The following GRK5 variants were observed in gnomAD, a reference collection of about 807,000 sequenced individuals.
GRK5 encodes G protein-coupled receptor kinase 5, also known as g protein-coupled receptor kinase GRK5.
Under a neutral mutation model 78.4 loss-of-function variants are expected in GRK5, and 40 were observed. The observed-to-expected ratio is 0.51, with a 90% confidence interval of 0.40 to 0.66. GRK5 has a LOEUF of 0.66. Ranked by LOEUF, GRK5 falls within the 30% of genes least tolerant of loss-of-function variation. The pLI is 0.00. For missense variants in GRK5, 598 were observed against 759.9 expected, an observed-to-expected ratio of 0.79 and a Z score of 2.50; for synonymous variants, 289 against 296.8, an observed-to-expected ratio of 0.97 and a Z score of 0.27.
At chr10:119,286,277 A>C (rs1849845327) in intron 1 of GRK5, among the ~76,000 whole-genome samples, 1 of 152,260 alleles carries the variant, frequency 6.6e-6, no homozygotes, top group South Asian at 2.1e-4. Flanking sequence ...TCACTGTTAC[A>C]GTAATCCCTT....
chr10:119,348,149 C>A (rs1171728453), intron 2 of GRK5, among the ~76,000 whole-genome samples: 1 of 152,216 alleles, frequency 6.6e-6, no homozygotes, highest in South Asian at 2.1e-4. Flanking sequence ...AGTCCAGGGG[C>A]CTGGCTTTGA....
chr10:119,384,192 G>T (rs1851757512), intron 3 of GRK5, among the ~76,000 whole-genome samples: 1 of 152,080 alleles, frequency 6.6e-6, no homozygotes, highest in Non-Finnish European at 1.5e-5. Flanking sequence ...CCTCCCCACA[G>T]TCCCATTTGC....
chr10:119,269,659 T>A (rs891437148), intron 1 of GRK5, among the ~76,000 whole-genome samples: 2 of 151,722 alleles, frequency 1.3e-5, no homozygotes, highest in Admixed American at 6.6e-5. Context: ...GGTAAAACCC[T>A]GTCTCTACTA....
Position 119,452,376 on chromosome 10 carries a change from C to G in GRK5, c.1405-295C>G, listed in dbSNP as rs1299793966. On this transcript the variant is annotated intron_variant, in intron 13 of 15. Transcript: ENST00000392870. The surrounding 1 kb of genome is among the most constrained non-coding windows in gnomAD (Gnocchi z 4.4). ...CCCCGAGCTCCTGTGTCACCCCAGCCAGGGTCCCCGTCATGGATCTGAGAG... is the reference window on the plus strand; with the variant it reads ...CCCCGAGCTCCTGTGTCACCCCAGCGAGGGTCCCCGTCATGGATCTGAGAG... 1 of 370,584 alleles carries G rather than the reference C, an allele frequency of 2.7e-6. No individual in the cohort carries two copies. Among genetic ancestry groups the G allele is most frequent in the Non-Finnish European group, 5.0e-6 (1 of 200,552 alleles). 23.0% of individuals were successfully genotyped at this position (370,584 alleles called of 1,614,324 possible).
intron 2 of GRK5, among the ~76,000 whole-genome samples, chr10:119,345,093 C>T (rs561084534): frequency 7.2e-5 from 11 of 152,036 alleles, no homozygotes; most frequent in Admixed American, 2.0e-4. Context: ...CTCAGCCTCC[C>T]GAGTAGCTGA....
At chr10:119,294,635 A>G (rs1050625354) in intron 1 of GRK5, among the ~76,000 whole-genome samples, 4 of 152,164 alleles carry the variant, frequency 2.6e-5, no homozygotes, top group Admixed American at 1.3e-4. Flanking sequence ...TCAGGTTCGC[A>G]GGGCTAAGGA....
chr10:119,231,375 T>G (rs1276148529), intron 1 of GRK5, among the ~76,000 whole-genome samples: 1 of 151,826 alleles, frequency 6.6e-6, no homozygotes, highest in Non-Finnish European at 1.5e-5. Context: ...AAAAAACATC[T>G]AAACATAAAA....
At chr10:119,350,480 C>T (rs1176725060) in intron 2 of GRK5, among the ~76,000 whole-genome samples, 3 of 152,228 alleles carry the variant, frequency 2.0e-5, no homozygotes, top group Admixed American at 2.0e-4. Context: ...CTGGATCCTG[C>T]AGCATCTTTG....
At chr10:119,425,920 G>A (rs921509812) in intron 6 of GRK5, among the ~76,000 whole-genome samples, 1 of 152,250 alleles carries the variant, frequency 6.6e-6, no homozygotes, top group African/African-American at 2.4e-5. Flanking sequence ...ACGAGGCCCC[G>A]GCCCTGAGCC....
At chr10:119,261,007 C>T (rs1357427454) in intron 1 of GRK5, among the ~76,000 whole-genome samples, 3 of 145,654 alleles carry the variant, frequency 2.1e-5, no homozygotes, top group East Asian at 4.3e-4. Context: ...CCTCACCTCC[C>T]GGACGGGGCG....
chr10:119,320,264 A>T (rs556936791), intron 1 of GRK5, among the ~76,000 whole-genome samples: 1 of 152,206 alleles, frequency 6.6e-6, no homozygotes, highest in Non-Finnish European at 1.5e-5. Context: ...GAAGAAGGTG[A>T]CAGAGAACAA....
intron 2 of GRK5, among the ~76,000 whole-genome samples, chr10:119,361,366 T>C (rs551794825): frequency 6.6e-6 from 1 of 152,342 alleles, no homozygotes; most frequent in South Asian, 2.1e-4. Context: ...GAGGCCATCA[T>C]GATTCAACCA....
intron 2 of GRK5, among the ~76,000 whole-genome samples, chr10:119,346,335 C>A (rs918588461): frequency 1.3e-5 from 2 of 152,346 alleles, no homozygotes; most frequent in East Asian, 3.9e-4. Context: ...TAGCTCACCC[C>A]CTAGCCTGGC....
rs113542855 is a variant in GRK5 at position 119,410,894 on chromosome 10, G to A, written c.340-12272G>A. On this transcript the variant is annotated intron_variant, in intron 4 of 15. Transcript: ENST00000392870. ...GTCTAAAGAGGCCACCTCTGTGAGC[G>A]CTCTCTCCTAGGTGCTGAGGGGCTG... Among the ~76,000 whole-genome samples the A allele has an allele frequency of 1.4e-3, 212 of 149,322 alleles. 2 individuals are homozygous for A. Among genetic ancestry groups the A allele is most frequent in the East Asian group, 7.8e-3 (40 of 5,106 alleles).
intron 1 of GRK5, among the ~76,000 whole-genome samples, chr10:119,261,388 G>A (rs984772546): frequency 3.4e-5 from 5 of 148,860 alleles, no homozygotes; most frequent in African/African-American, 5.0e-5. Flanking sequence ...GATGGCGGCC[G>A]GGCAGAGACG....
At chr10:119,265,021 G>A (rs1849471450) in intron 1 of GRK5, among the ~76,000 whole-genome samples, 1 of 152,218 alleles carries the variant, frequency 6.6e-6, no homozygotes, top group South Asian at 2.1e-4. Context: ...GGGGCTCACA[G>A]CGGCCTCTTT....
intron 4 of GRK5, among the ~76,000 whole-genome samples, chr10:119,418,952 G>C (rs1299134889): frequency 6.6e-6 from 1 of 152,146 alleles, no homozygotes; most frequent in East Asian, 1.9e-4. Flanking sequence ...CATCTTTGAT[G>C]GGGGAAGCGT....
At position 119,271,262 on chromosome 10, in the gene GRK5, G is replaced by C. The variant is rs190396763; in HGVS notation, c.53-55254G>C. Among the ~76,000 whole-genome samples the C allele has an allele frequency of 2.0e-3, 304 of 152,262 alleles. No homozygotes were observed. The highest frequency in any genetic ancestry group is 6.7e-3 in the African/African-American group (277 of 41,534). On this transcript the variant is annotated intron_variant, in intron 1 of 15. Coordinates refer to ENST00000392870, the MANE Select transcript of GRK5 (RefSeq NM_005308.3). This position sits in a 1 kb window ranked among gnomAD's most constrained non-coding sequence, Gnocchi z 4.1. The stretch of plus-strand genomic sequence containing the variant: ...CATTCAGAGAGGCCCTCTCAGACAC[G>C]CCTGGCCTCTTTAGAGGCTCTCTCA...
At chr10:119,448,360 C>A in intron 13 of GRK5, 100 bp downstream of exon 13, 1 of 1,343,234 alleles carries the variant, frequency 7.4e-7, no homozygotes, top group Non-Finnish European at 1.0e-6. Context: ...GTGTGGGGCA[C>A]ATCGTGTCTT....
Sources: allele counts gnomAD v4.1 joint callset (sites outside exome capture counted in the v4.1 genomes callset), GRCh38; gene constraint gnomAD v4.1.1; non-coding constraint Gnocchi (gnomAD v3.1); transcripts MANE v1.5; gene names NCBI Gene and HGNC (gene_info 2026-07-23, HGNC 2026-07-21).